The following CACNA1D variants were observed in gnomAD, a reference collection of about 807,000 sequenced individuals.
CACNA1D encodes voltage-dependent L-type calcium channel subunit alpha-1D.
A neutral mutation model predicts 257.1 loss-of-function variants in CACNA1D; 55 were observed. That is an observed-to-expected ratio of 0.21 (90% CI 0.17 to 0.27). CACNA1D has a LOEUF of 0.27. Among genes scored for constraint, CACNA1D ranks in the 10% least tolerant of loss-of-function variants. CACNA1D has a pLI of 1.00. For synonymous variants in CACNA1D, 980 were observed against 1,014.9 expected (o/e 0.97, Z 0.65); for missense variants, 1,876 against 2,784.0 (o/e 0.67, Z 7.34).
At chr3:53,647,381 A>G (rs2094033392) in intron 3 of CACNA1D, among the ~76,000 whole-genome samples, 1 of 152,168 alleles carries the variant, frequency 6.6e-6, no homozygotes, top group Non-Finnish European at 1.5e-5. Context: ...CTTTTATACC[A>G]GGGACGCCTC....
chr3:53,714,730 G>A (rs1366879577), intron 9 of CACNA1D, among the ~76,000 whole-genome samples: 1 of 152,214 alleles, frequency 6.6e-6, no homozygotes, highest in Non-Finnish European at 1.5e-5. Flanking sequence ...GTGGAAGTTA[G>A]GAGAGATTTC....
Position 53,801,252 on chromosome 3 carries a change from C to T in CACNA1D, c.5235C>T (p.Ser1745=), listed in dbSNP as rs2095534332. 1.2e-6 allele frequency: 2 copies of T among 1,613,870 alleles called. No individual in the cohort carries two copies. Among genetic ancestry groups the T allele is most frequent in the African/African-American group, 2.7e-5 (2 of 74,872 alleles). The change falls in exon 42 of 48, where the codon TCC becomes TCT. Residue 1745 remains serine, a synonymous_variant. Coordinates refer to ENST00000350061, the MANE Select transcript of CACNA1D (RefSeq NM_001128840.3). ...GTCATAACCATCATAACCATAATTC[C>T]ATAGGAAAGCAAGTTCCCACCTCAA... ...SVCHNHHNHN[S]IGKQVPTSTN... is the part of the protein sequence containing the mutation.
At chr3:53,505,541 G>GCACCAAGCGAATGACTTTCC (rs1267473699) in intron 3 of CACNA1D, among the ~76,000 whole-genome samples, 3 of 152,212 alleles carry the variant, frequency 2.0e-5, no homozygotes, top group African/African-American at 7.2e-5. Context: ...TTGCTGATGT[G>GCACCAAGCGAATGACTTTCC]CACCAAGCGA....
rs1296377107 is a variant in CACNA1D, at chr3:53,751,327, G to A, written c.3517-422G>A. Among the ~76,000 whole-genome samples the A allele has an allele frequency of 6.6e-6, 1 of 152,244 alleles. No individual in the cohort carries two copies. The highest frequency in any genetic ancestry group is 1.5e-5 in the Non-Finnish European group (1 of 68,044). ...CCTCCTTTCCTGGAGGACAGCACAGGCAGGGGAACTATAGGTGTGATCCAC... is the reference window on the plus strand; with the variant it reads ...CCTCCTTTCCTGGAGGACAGCACAGACAGGGGAACTATAGGTGTGATCCAC... On this transcript the variant is annotated intron_variant, in intron 27 of 47. Transcript: ENST00000350061. This position sits in a 1 kb window ranked among gnomAD's most constrained non-coding sequence, Gnocchi z 4.3.
chr3:53,623,954 T>G (rs1343224282), intron 3 of CACNA1D, among the ~76,000 whole-genome samples: 12 of 152,194 alleles, frequency 7.9e-5, no homozygotes, highest in Non-Finnish European at 1.8e-4. Context: ...ATAAATAATT[T>G]AAAATATACA....
chr3:53,682,862 C>CA (rs1280222497), intron 8 of CACNA1D, among the ~76,000 whole-genome samples: 1 of 151,918 alleles, frequency 6.6e-6, no homozygotes, highest in African/African-American at 2.4e-5. Flanking sequence ...AAAGACTGGG[C>CA]AAAAAATAGG....
rs1484118589 is a variant in CACNA1D at position 53,809,966 on chromosome 3, C to T, written c.5872-12C>T. 5 of 1,613,592 alleles carry T rather than the reference C, an allele frequency of 3.1e-6. No individual in the cohort carries two copies. In the Admixed American group the frequency reaches 5.0e-5, roughly 16 times the overall value. The stretch of plus-strand genomic sequence containing the variant: ...GAACCTCTGGTCTCCCAACAGTCCC[C>T]TCTTTCCTCAGATCATGGCAGTTGC... On this transcript the variant is annotated splice_polypyrimidine_tract_variant and intron_variant, in intron 46 of 47. Transcript: ENST00000350061.
intron 40 of CACNA1D, among the ~76,000 whole-genome samples, chr3:53,787,765 T>C (rs2095463465): frequency 2.0e-5 from 3 of 151,922 alleles, no homozygotes; most frequent in African/African-American, 7.3e-5. Context: ...AGGTGGTCTG[T>C]GAGTGCCGTG....
chr3:53,661,819 T>C (rs542843969), intron 5 of CACNA1D, among the ~76,000 whole-genome samples: 2 of 152,354 alleles, frequency 1.3e-5, no homozygotes, highest in African/African-American at 4.8e-5. Context: ...AGTTTTAAAC[T>C]GTATTTCTTC....
intron 17 of CACNA1D, among the ~76,000 whole-genome samples, chr3:53,731,656 G>A (rs959636869): frequency 1.3e-5 from 2 of 152,226 alleles, no homozygotes; most frequent in Non-Finnish European, 2.9e-5. Context: ...GAGGATTCAG[G>A]AATGAAGAAG....
chr3:53,709,312 A>G (rs1249679793), intron 9 of CACNA1D, among the ~76,000 whole-genome samples: 1 of 152,222 alleles, frequency 6.6e-6, no homozygotes. Context: ...TGGGGAAACT[A>G]AAGCACAAAG....
intron 5 of CACNA1D, among the ~76,000 whole-genome samples, chr3:53,665,064 G>A (rs1002271567): frequency 2.0e-5 from 3 of 151,944 alleles, no homozygotes; most frequent in Admixed American, 6.6e-5. Context: ...AGGCACAGTC[G>A]TGAGTTTGCC....
intron 3 of CACNA1D, among the ~76,000 whole-genome samples, chr3:53,620,581 A>AT (rs1008486925): frequency 7.3e-6 from 1 of 136,912 alleles, no homozygotes; most frequent in Non-Finnish European, 1.6e-5. Context: ...GTGAGCCATG[A>AT]TTCCCCACCT....
At chr3:53,720,155 C>T (rs950793990) in intron 11 of CACNA1D, among the ~76,000 whole-genome samples, 2 of 152,136 alleles carry the variant, frequency 1.3e-5, no homozygotes, top group Non-Finnish European at 2.9e-5. Context: ...ATGCGGGTTA[C>T]GTGTTCAGTT....
intron 8 of CACNA1D, among the ~76,000 whole-genome samples, chr3:53,681,514 C>A (rs2094429967): frequency 6.6e-6 from 1 of 152,000 alleles, no homozygotes. Flanking sequence ...TAGATGTATG[C>A]CAAGTGCCCT....
chr3:53,721,151 C>T (rs1057475758), intron 11 of CACNA1D, among the ~76,000 whole-genome samples: 6 of 152,200 alleles, frequency 3.9e-5, no homozygotes, highest in Admixed American at 6.5e-5. Flanking sequence ...AGTTTTTCCA[C>T]GCTGGCCAAC....
Position 53,731,070 on chromosome 3 carries a change from TC to T in CACNA1D, c.2337-6del. ...TGGTTTCTTGTGCTCTTTTCTCTTC[TC>T]TTTAGAAAAGAGAGCCTAGAAAATA... On this transcript the variant is annotated splice_region_variant and splice_polypyrimidine_tract_variant and intron_variant, in intron 16 of 47. Coordinates refer to ENST00000350061, the MANE Select transcript of CACNA1D (RefSeq NM_001128840.3). The T allele has an allele frequency of 6.3e-7, 1 of 1,579,954 alleles. No homozygotes were observed. The highest frequency in any genetic ancestry group is 8.7e-7 in the Non-Finnish European group (1 of 1,149,204).
At chr3:53,792,834 T>A (rs1344374996) in intron 40 of CACNA1D, among the ~76,000 whole-genome samples, 1 of 152,172 alleles carries the variant, frequency 6.6e-6, no homozygotes, top group Non-Finnish European at 1.5e-5. Context: ...TACCTGGACT[T>A]CAGTGGACCT....
intron 3 of CACNA1D, among the ~76,000 whole-genome samples, chr3:53,599,278 G>A (rs1046898088): frequency 1.3e-5 from 2 of 152,036 alleles, no homozygotes; most frequent in Non-Finnish European, 2.9e-5. Flanking sequence ...TGGACTTTTG[G>A]CTGTTTTCCT....
Sources: allele counts gnomAD v4.1 joint callset (sites outside exome capture counted in the v4.1 genomes callset), GRCh38; gene constraint gnomAD v4.1.1; non-coding constraint Gnocchi (gnomAD v3.1); transcripts MANE v1.5; gene names NCBI Gene and HGNC (gene_info 2026-07-23, HGNC 2026-07-21).